Variants in TRDN observed in about 807,000 individuals in gnomAD.
TRDN encodes triadin in skeletal muscle.
Under a neutral mutation model 149.7 loss-of-function variants are expected in TRDN, and 161 were observed. The ratio of observed to expected loss-of-function variants is 1.08; its 90% CI spans 0.95 to 1.23. The LOEUF is 1.23. Among genes scored for constraint, TRDN ranks in the 50% most tolerant of loss-of-function variants. The pLI, the probability that TRDN is intolerant of heterozygous loss-of-function variation, is 0.00. For missense variants in TRDN, 896 were observed against 823.5 expected (o/e 1.09, Z -1.08); for synonymous variants, 294 against 250.5 (o/e 1.17, Z -1.64).
chr6:123,387,989 T>C (rs1434278419), intron 14 of TRDN, among the ~76,000 whole-genome samples: 4 of 151,818 alleles, frequency 2.6e-5, no homozygotes, highest in African/African-American at 9.7e-5. Flanking sequence ...GCACAGCTCA[T>C]CCCAAGCTCC....
chr6:123,542,121 C>T (rs894367078), intron 4 of TRDN, among the ~76,000 whole-genome samples: 4 of 152,156 alleles, frequency 2.6e-5, no homozygotes, highest in African/African-American at 4.8e-5. Flanking sequence ...TTTAAACATG[C>T]GACTATAGGG....
In TRDN at chr6:123,240,469, TA is replaced by T. The variant is rs906010904; in HGVS notation, c.1975+11942del. On this transcript the variant is annotated intron_variant, in intron 38 of 40. Transcript: ENST00000334268. ...ATCAATCTTACTTGCTGAAACAACG[TA>T]AAAAAAAAGCCATAAATAACAGTTA... Among the ~76,000 whole-genome samples the T allele has an allele frequency of 6.0e-5, 9 of 149,994 alleles. No homozygotes were observed. In the South Asian group the frequency reaches 6.3e-4, roughly 11 times the overall value.
chr6:123,558,450 G>T (rs535369883), intron 2 of TRDN, among the ~76,000 whole-genome samples: 1 of 152,132 alleles, frequency 6.6e-6, no homozygotes, highest in Non-Finnish European at 1.5e-5. Context: ...CTCTTAAAAA[G>T]GTGGCTGGAG....
At chr6:123,616,254 C>T (rs1785077468) in intron 1 of TRDN, among the ~76,000 whole-genome samples, 1 of 151,938 alleles carries the variant, frequency 6.6e-6, no homozygotes, top group African/African-American at 2.4e-5. Flanking sequence ...ATCCCTTGAG[C>T]CCAGGAGTTT....
chr6:123,373,625 G>C (rs979553748), intron 19 of TRDN, among the ~76,000 whole-genome samples: 1 of 152,050 alleles, frequency 6.6e-6, no homozygotes, highest in Non-Finnish European at 1.5e-5. Flanking sequence ...CTTTAATCCA[G>C]TCTTAATGAC....
chr6:123,349,906 A>G, intron 21 of TRDN: 1 of 985,154 alleles, frequency 1.0e-6, no homozygotes, highest in Non-Finnish European at 1.2e-6. Context: ...TGTTGTGACA[A>G]CGTAAAACAC....
At position 123,413,724 on chromosome 6, in the gene TRDN, T is replaced by A. The variant is rs74527900; in HGVS notation, c.1052-20047A>T. 5.7e-3 allele frequency among the ~76,000 whole-genome samples: 872 copies of A among 152,266 alleles called. 25 individuals carry two copies. The East Asian group carries it at 0.057, about 10-fold the overall frequency. ...GAAGGTATTTTTTCACATAAAATTG[T>A]AACAAATTTCATTGGCTTTGAAGAT... On this transcript the variant is annotated intron_variant, in intron 12 of 40. Coordinates refer to ENST00000334268, the MANE Select transcript of TRDN (RefSeq NM_006073.4).
chr6:123,567,082 C>T (rs1221707256), intron 2 of TRDN, among the ~76,000 whole-genome samples: 1 of 152,140 alleles, frequency 6.6e-6, no homozygotes, highest in African/African-American at 2.4e-5. Flanking sequence ...ACTGGCATTT[C>T]ATCTGATAGG....
chr6:123,522,439 G>T (rs1779727542), intron 5 of TRDN, among the ~76,000 whole-genome samples: 1 of 3,876 alleles, frequency 2.6e-4, no homozygotes, highest in Non-Finnish European at 8.5e-4. Flanking sequence ...CAACTACATG[G>T]GGGGGGAAAG....
At chr6:123,609,737 G>C (rs750966866) in intron 1 of TRDN, among the ~76,000 whole-genome samples, 1 of 152,108 alleles carries the variant, frequency 6.6e-6, no homozygotes, top group African/African-American at 2.4e-5. Context: ...TTTGTCCCTA[G>C]CCTATGGGCT....
chr6:123,288,995 T>C (rs1170740168), intron 24 of TRDN, among the ~76,000 whole-genome samples: 1 of 149,728 alleles, frequency 6.7e-6, no homozygotes, highest in Non-Finnish European at 1.5e-5. Context: ...TCAACAAATA[T>C]ATGGATTTAA....
chr6:123,217,079 CCA>C lies in TRDN; in HGVS notation c.*1520_*1521del, dbSNP rs1441389011. 6.6e-6 allele frequency: 1 copy of C among 151,872 alleles called. No homozygotes were observed. The highest frequency in any genetic ancestry group is 1.9e-4 in the East Asian group (1 of 5,146). 9.4% of individuals were successfully genotyped at this position (151,872 alleles called of 1,614,324 possible). On this transcript the variant is annotated 3_prime_UTR_variant, in exon 41 of 41. Coordinates refer to ENST00000334268, the MANE Select transcript of TRDN (RefSeq NM_006073.4). ...TGAAATTATACACTTCCAGGATGTC[CCA>C]CATACCCCATAAAGAGAGTCATTAA...
intron 21 of TRDN, among the ~76,000 whole-genome samples, chr6:123,340,253 C>T (rs1780016939): frequency 6.6e-6 from 1 of 152,046 alleles, no homozygotes; most frequent in African/African-American, 2.4e-5. Flanking sequence ...TCTTTCCTGA[C>T]ACAAGCATAA....
At chr6:123,378,398 G>A (rs1781588612) in intron 16 of TRDN, among the ~76,000 whole-genome samples, 1 of 151,412 alleles carries the variant, frequency 6.6e-6, no homozygotes, top group African/African-American at 2.4e-5. Context: ...TCCAACCTCG[G>A]CCTCCCAGGT....
intron 40 of TRDN, 141 bp downstream of exon 40, chr6:123,221,346 C>T (rs894848746): frequency 1.2e-5 from 5 of 424,726 alleles, no homozygotes; most frequent in Middle Eastern, 6.3e-4. Context: ...TATAAATGAC[C>T]TACTTTAATG....
At chr6:123,246,928 G>A (rs1355038489) in intron 38 of TRDN, among the ~76,000 whole-genome samples, 2 of 152,080 alleles carry the variant, frequency 1.3e-5, no homozygotes, top group Admixed American at 6.6e-5. Flanking sequence ...TTCATCCCTG[G>A]GATGCAAGGT....
intron 1 of TRDN, among the ~76,000 whole-genome samples, chr6:123,573,420 G>A (rs762724653): frequency 7.2e-5 from 11 of 151,854 alleles, no homozygotes; most frequent in African/African-American, 2.7e-4. Flanking sequence ...CACCTTCATT[G>A]CTACCAGCAC....
At chr6:123,297,467 G>T (rs1175206101) in intron 24 of TRDN, among the ~76,000 whole-genome samples, 1 of 151,906 alleles carries the variant, frequency 6.6e-6, no homozygotes, top group Non-Finnish European at 1.5e-5. Flanking sequence ...ACACTACTTC[G>T]AAGTTTTTTT....
chr6:123,329,263 G>A (rs1043284078), intron 23 of TRDN, among the ~76,000 whole-genome samples: 3 of 152,100 alleles, frequency 2.0e-5, no homozygotes, highest in African/African-American at 7.2e-5. Context: ...AGAATATGCT[G>A]TGGCTATTTA....
Sources: gnomAD v4.1 joint callset for allele counts (sites outside exome capture counted in the v4.1 genomes callset) on GRCh38, gnomAD v4.1.1 for gene constraint, MANE v1.5 for transcripts, NCBI Gene and HGNC (gene_info 2026-07-23, HGNC 2026-07-21) for gene names.